DIAPH2: variants seen among roughly 807,000 people sequenced by gnomAD.
DIAPH2 encodes the protein protein diaphanous homolog 2.
A neutral mutation model predicts 92.7 loss-of-function variants in DIAPH2; 35 were observed. The ratio of observed to expected loss-of-function variants is 0.38; its 90% CI spans 0.29 to 0.50. The LOEUF is 0.50. DIAPH2 is among the 20% of genes least tolerant of loss of function. The pLI is 0.94. For synonymous variants in DIAPH2, 301 were observed against 280.4 expected (o/e 1.07, Z -0.73); for missense variants, 701 against 819.5 (o/e 0.86, Z 1.77).
intron 22 of DIAPH2, among the ~76,000 whole-genome samples, chrX:97,172,670 T>C (rs1033054351): frequency 8.9e-6 from 1 of 112,239 alleles, no homozygotes; most frequent in Non-Finnish European, 1.9e-5. Context: ...TTTTAGATAA[T>C]GAAAAGAGGG....
intron 13 of DIAPH2, 89 bp from the exon 14 acceptor site, chrX:96,945,438 T>C: frequency 1.7e-6 from 1 of 576,876 alleles, no homozygotes; most frequent in Non-Finnish European, 2.8e-6. Context: ...AAAATGATAG[T>C]CTGCATTGCA....
chrX:97,494,045 C>G (rs1229123729), intron 26 of DIAPH2, among the ~76,000 whole-genome samples: 2 of 107,875 alleles, frequency 1.9e-5, no homozygotes, highest in Non-Finnish European at 3.8e-5. Context: ...AGGGAAACCC[C>G]ATCTCTACTT....
chrX:97,102,170 G>A (rs1487059434), intron 20 of DIAPH2, among the ~76,000 whole-genome samples: 1 of 111,929 alleles, frequency 8.9e-6, no homozygotes, highest in African/African-American at 3.3e-5. Context: ...GAGTCAATTG[G>A]TATCTTTTTG....
intron 26 of DIAPH2, among the ~76,000 whole-genome samples, chrX:97,435,978 TG>T (rs1409435885): frequency 9.0e-6 from 1 of 110,547 alleles, no homozygotes; most frequent in Admixed American, 9.7e-5. Flanking sequence ...GGCTAATTTT[TG>T]TATTTTTAGT....
chrX:97,464,492 A>T (rs1248112753), intron 26 of DIAPH2, among the ~76,000 whole-genome samples: 2 of 110,184 alleles, frequency 1.8e-5, no homozygotes, highest in Non-Finnish European at 3.8e-5. Flanking sequence ...TATGTTGCTT[A>T]CTTCAAGTGC....
chrX:97,271,508 A>C (rs923916932), intron 23 of DIAPH2, among the ~76,000 whole-genome samples: 26 of 111,500 alleles, frequency 2.3e-4, no homozygotes, highest in Non-Finnish European at 3.8e-4. Context: ...TATAGTACTG[A>C]TCAGTCTTCA....
At chrX:97,320,600 G>A (rs1262865683) in intron 23 of DIAPH2, among the ~76,000 whole-genome samples, 1 of 108,699 alleles carries the variant, frequency 9.2e-6, no homozygotes, top group African/African-American at 3.4e-5. Context: ...CTGCAGTCCC[G>A]GCTGCTCAGG....
intron 23 of DIAPH2, among the ~76,000 whole-genome samples, chrX:97,310,077 G>A (rs778986895): frequency 8.9e-6 from 1 of 112,169 alleles, no homozygotes; most frequent in East Asian, 2.8e-4. Flanking sequence ...GCCCCCTCCT[G>A]GATTAACTCA....
chrX:97,591,348 C>T (rs764389813), intron 26 of DIAPH2, among the ~76,000 whole-genome samples: 1 of 112,118 alleles, frequency 8.9e-6, no homozygotes, highest in South Asian at 3.7e-4. Context: ...GTTGTTGGTA[C>T]ATTTATCCTT....
intron 23 of DIAPH2, among the ~76,000 whole-genome samples, chrX:97,271,824 C>CACAG (rs1317655924): frequency 9.5e-6 from 1 of 105,157 alleles, no homozygotes; most frequent in African/African-American, 3.6e-5. Flanking sequence ...CACACACACA[C>CACAG]ACACACACAC....
At position 97,310,745 on chromosome X, in the gene DIAPH2, G is replaced by C. The variant is rs752788612; in HGVS notation, c.2845-37371G>C. On this transcript the variant is annotated intron_variant, in intron 23 of 26. Transcript: ENST00000324765. ...TCTGCCGGGTGTGGTGGGGTGGCTC[G>C]CGACTGTAATCTCAGCGCTTTGGGA... Among the ~76,000 whole-genome samples the C allele has an allele frequency of 1.2e-4, 13 of 111,470 alleles. No individual in the cohort carries two copies. In the East Asian group the frequency reaches 3.7e-3, roughly 32 times the overall value.
chrX:97,282,475 A>G (rs1289099019), intron 23 of DIAPH2, among the ~76,000 whole-genome samples: 1 of 110,126 alleles, frequency 9.1e-6, no homozygotes, highest in Non-Finnish European at 1.9e-5. Flanking sequence ...ACGCCCAGCT[A>G]ATTTTTTGTA....
chrX:97,433,868 G>A (rs1052822485), intron 26 of DIAPH2, among the ~76,000 whole-genome samples: 1 of 111,929 alleles, frequency 8.9e-6, no homozygotes, highest in African/African-American at 3.2e-5. Flanking sequence ...TACAAGAGGT[G>A]TTAATAACAT....
Position 96,928,042 on chromosome X carries a change from A to G in DIAPH2, c.979-2691A>G, listed in dbSNP as rs143310606. Among the ~76,000 whole-genome samples the G allele has an allele frequency of 7.8e-3, 866 of 111,109 alleles. 22 individuals are homozygous for G. The East Asian group carries it at 0.14, about 17-fold the overall frequency. On this transcript the variant is annotated intron_variant, in intron 9 of 26. Coordinates refer to ENST00000324765, the MANE Select transcript of DIAPH2 (RefSeq NM_006729.5). ...AATTTTATCATCTTACCCATCCTTA[A>G]AATCTTTTGTTGCGAGAATCTATAA...
chrX:97,424,966 T>C (rs1052608451), intron 25 of DIAPH2, among the ~76,000 whole-genome samples: 1 of 112,138 alleles, frequency 8.9e-6, no homozygotes, highest in Non-Finnish European at 1.9e-5. Context: ...CATCTTTTTA[T>C]CTAATTACAA....
intron 4 of DIAPH2, among the ~76,000 whole-genome samples, chrX:96,824,586 G>C (rs2064800847): frequency 9.0e-6 from 1 of 111,553 alleles, no homozygotes; most frequent in Admixed American, 9.5e-5. Context: ...AAATATGCTA[G>C]TTCAATTTAT....
chrX:96,838,752 G>A (rs1178714863), intron 4 of DIAPH2, among the ~76,000 whole-genome samples: 2 of 111,986 alleles, frequency 1.8e-5, no homozygotes, highest in African/African-American at 6.5e-5. Flanking sequence ...TCATTATGAA[G>A]CTCTAACCAT....
intron 4 of DIAPH2, among the ~76,000 whole-genome samples, chrX:96,792,794 C>A (rs987868216): frequency 9.0e-6 from 1 of 111,510 alleles, no homozygotes. Context: ...AGCATAATTT[C>A]AATAGTATGT....
At chrX:96,957,231 G>T (rs1829803484) in intron 15 of DIAPH2, among the ~76,000 whole-genome samples, 1 of 112,245 alleles carries the variant, frequency 8.9e-6, no homozygotes, top group Admixed American at 9.4e-5. Context: ...ATGTTGGCCA[G>T]GCTGGTCTTG....
Sources: gnomAD v4.1 joint callset for allele counts (sites outside exome capture counted in the v4.1 genomes callset) on GRCh38, gnomAD v4.1.1 for gene constraint, MANE v1.5 for transcripts, NCBI Gene and HGNC (gene_info 2026-07-23, HGNC 2026-07-21) for gene names.